The following ZBTB20 variants were observed in gnomAD, a reference collection of about 807,000 sequenced individuals.
ZBTB20 encodes zinc finger and BTB domain containing 20.
A neutral mutation model predicts 56.9 loss-of-function variants in ZBTB20; 9 were observed. The observed-to-expected ratio is 0.16, with a 90% CI of 0.10 to 0.28. The LOEUF (loss-of-function observed/expected upper bound fraction) is 0.28. Ranked by LOEUF, ZBTB20 falls within the 10% of genes least tolerant of loss-of-function variation. The pLI, the probability that ZBTB20 is intolerant of heterozygous loss-of-function variation, is 1.00. For missense variants in ZBTB20, 655 were observed against 1,003.0 expected (o/e 0.65, Z 4.69); for synonymous variants, 417 against 420.7 (o/e 0.99, Z 0.11).
chr3:114,582,086 G>A (rs2054686448), intron 6 of ZBTB20: 1 of 152,186 alleles, frequency 6.6e-6, no homozygotes, highest in South Asian at 2.1e-4. Flanking sequence ...TGATGATAGA[G>A]GTTACAGTGG....
chr3:114,335,809 C>A lies in ZBTB20; in HGVS notation c.*3196G>T, dbSNP rs1277042784. ...TTTAGGGATCCTCCACCTCCTCCCC[C>A]ACTCCCTTTTTTTTAAGAGACACTT... On this transcript the variant is annotated 3_prime_UTR_variant, in exon 12 of 12. Coordinates refer to ENST00000675478, the MANE Select transcript of ZBTB20 (RefSeq NM_001348800.3). 1 of 152,162 alleles carries A rather than the reference C, an allele frequency of 6.6e-6. No homozygotes were observed. The highest frequency in any genetic ancestry group is 1.5e-5 in the Non-Finnish European group (1 of 68,026). 9.4% of individuals were successfully genotyped at this position (152,162 alleles called of 1,614,324 possible). A position where few individuals can be genotyped will look rare whatever the true frequency, so the allele number is the denominator to read the frequency against.
rs576366365 is a variant in ZBTB20 at position 114,747,006 on chromosome 3, A to C, written c.-342-53431T>G. ...AGTGGGGAGGGAATGGGACATATAC[A>C]TGTAAAATTTTTCTCTATATTTTTG... On this transcript the variant is annotated intron_variant, in intron 5 of 11. Transcript: ENST00000675478. Among the ~76,000 whole-genome samples, 6 of 152,340 alleles carry C rather than the reference A, an allele frequency of 3.9e-5. No homozygotes were observed. In the South Asian group the frequency reaches 1.0e-3, roughly 26 times the overall value.
chr3:114,365,673 C>T (rs369457506), intron 10 of ZBTB20, among the ~76,000 whole-genome samples: 11 of 152,200 alleles, frequency 7.2e-5, no homozygotes, highest in African/African-American at 2.6e-4. Flanking sequence ...AGTGGGAAAA[C>T]CTTTCCTTTT....
At chr3:114,405,536 C>G (rs1047951865) in intron 7 of ZBTB20, among the ~76,000 whole-genome samples, 2 of 152,022 alleles carry the variant, frequency 1.3e-5, no homozygotes, top group African/African-American at 4.8e-5. Flanking sequence ...CTCAGAAATG[C>G]TGAATGCTTT....
At chr3:114,694,547 C>T (rs1280909746) in intron 5 of ZBTB20, among the ~76,000 whole-genome samples, 1 of 151,526 alleles carries the variant, frequency 6.6e-6, no homozygotes, top group East Asian at 1.9e-4. Context: ...AAAGAAGAAC[C>T]CTATAGAATT....
chr3:114,749,860 A>G (rs999571091), intron 5 of ZBTB20, among the ~76,000 whole-genome samples: 1 of 152,222 alleles, frequency 6.6e-6, no homozygotes, highest in Non-Finnish European at 1.5e-5. Flanking sequence ...TGTTTTAAGA[A>G]TTAAATGTAA....
At chr3:114,494,438 A>G (rs539594946) in intron 7 of ZBTB20, among the ~76,000 whole-genome samples, 1 of 152,164 alleles carries the variant, frequency 6.6e-6, no homozygotes, top group African/African-American at 2.4e-5. Flanking sequence ...TTTCCAGTCT[A>G]TGGATGTCAG....
At chr3:115,073,367 C>T (rs1048268987) in intron 1 of ZBTB20, among the ~76,000 whole-genome samples, 1 of 152,108 alleles carries the variant, frequency 6.6e-6, no homozygotes, top group Admixed American at 6.6e-5. Context: ...TACTAATATA[C>T]GATGTTTTAC....
At chr3:114,960,901 G>T (rs917154209) in intron 3 of ZBTB20, among the ~76,000 whole-genome samples, 8 of 152,078 alleles carry the variant, frequency 5.3e-5, no homozygotes, top group Non-Finnish European at 4.4e-5. Flanking sequence ...AAGAAAGCAT[G>T]ACGCCATGAA....
intron 2 of ZBTB20, among the ~76,000 whole-genome samples, chr3:115,063,551 G>C (rs1440057703): frequency 2.0e-5 from 3 of 151,924 alleles, no homozygotes; most frequent in Admixed American, 6.6e-5. Context: ...TTAAAGATTA[G>C]GTTTTCAATA....
intron 1 of ZBTB20, among the ~76,000 whole-genome samples, chr3:115,138,366 A>G (rs2084710731): frequency 6.6e-6 from 1 of 152,068 alleles, no homozygotes; most frequent in African/African-American, 2.4e-5. Flanking sequence ...CATCATTTTT[A>G]ATTCTAGACT....
At chr3:114,920,371 T>C (rs188981902) in intron 3 of ZBTB20, among the ~76,000 whole-genome samples, 2 of 152,266 alleles carry the variant, frequency 1.3e-5, no homozygotes, top group African/African-American at 4.8e-5. Flanking sequence ...GATCAGATGT[T>C]GGGCCACAGA....
At chr3:115,137,305 C>T (rs1254340157) in intron 1 of ZBTB20, among the ~76,000 whole-genome samples, 1 of 151,922 alleles carries the variant, frequency 6.6e-6, no homozygotes, top group African/African-American at 2.4e-5. Context: ...TTTTTAGTAC[C>T]TTGTATACAA....
At chr3:114,853,986 A>G (rs1047383044) in intron 4 of ZBTB20, among the ~76,000 whole-genome samples, 1 of 152,220 alleles carries the variant, frequency 6.6e-6, no homozygotes, top group Non-Finnish European at 1.5e-5. Context: ...AAACTTTAAG[A>G]TGAAAATCTT....
chr3:114,885,839 C>A (rs2076581691), intron 4 of ZBTB20, among the ~76,000 whole-genome samples: 1 of 152,128 alleles, frequency 6.6e-6, no homozygotes, highest in Non-Finnish European at 1.5e-5. Flanking sequence ...ACCAAAAGAG[C>A]TGAAAGTTAA....
intron 2 of ZBTB20, among the ~76,000 whole-genome samples, chr3:115,026,141 C>T (rs1433861051): frequency 1.3e-5 from 2 of 150,578 alleles, no homozygotes; most frequent in East Asian, 3.9e-4. Flanking sequence ...TACAAATAAC[C>T]GATGTTCAAT....
chr3:114,887,820 A>C (rs1175218811), intron 4 of ZBTB20, among the ~76,000 whole-genome samples: 2 of 152,210 alleles, frequency 1.3e-5, no homozygotes, highest in African/African-American at 4.8e-5. Context: ...ACTAAAACAG[A>C]GGAAGACATA....
At chr3:115,144,518 A>G (rs1349919137) in intron 1 of ZBTB20, among the ~76,000 whole-genome samples, 1 of 152,200 alleles carries the variant, frequency 6.6e-6, no homozygotes, top group Non-Finnish European at 1.5e-5. Flanking sequence ...AAACTTTCTG[A>G]TCCAATTATA....
chr3:114,532,650 T>C (rs770169795), intron 6 of ZBTB20, among the ~76,000 whole-genome samples: 16 of 152,156 alleles, frequency 1.1e-4, no homozygotes, highest in Non-Finnish European at 2.1e-4. Flanking sequence ...AAGGGACAGA[T>C]TGCCTCCTCA....
Sources: gnomAD v4.1 joint callset for allele counts (sites outside exome capture counted in the v4.1 genomes callset) on GRCh38, gnomAD v4.1.1 for gene constraint, MANE v1.5 for transcripts, NCBI Gene and HGNC (gene_info 2026-07-23, HGNC 2026-07-21) for gene names.